Variants in GPC5 observed in about 807,000 individuals in gnomAD.
GPC5 encodes glypican 5.
GPC5 carries 47 observed loss-of-function variants against 53.9 expected under a neutral mutation model. The ratio of observed to expected loss-of-function variants is 0.87; its 90% confidence interval spans 0.69 to 1.11. The LOEUF is 1.11. Among genes scored for constraint, GPC5 ranks in the 50% most tolerant of loss-of-function variants. GPC5 has a pLI of 0.00. For synonymous variants in GPC5, 286 were observed against 263.3 expected (o/e 1.09, Z -0.84); for missense variants, 748 against 713.1 (o/e 1.05, Z -0.56).
chr13:92,026,072 G>A (rs950486259), intron 6 of GPC5, among the ~76,000 whole-genome samples: 1 of 152,236 alleles, frequency 6.6e-6, no homozygotes, highest in Non-Finnish European at 1.5e-5. Context: ...TAACAAAAAT[G>A]ATTGCTTTTA....
At chr13:91,608,496 A>G (rs1366580255) in intron 2 of GPC5, among the ~76,000 whole-genome samples, 2 of 152,138 alleles carry the variant, frequency 1.3e-5, no homozygotes, top group African/African-American at 4.8e-5. Context: ...TATTACATAC[A>G]TATTGTTGCA....
At chr13:91,414,123 T>A (rs1212324050) in intron 1 of GPC5, among the ~76,000 whole-genome samples, 3 of 152,154 alleles carry the variant, frequency 2.0e-5, no homozygotes, top group Admixed American at 1.3e-4. Flanking sequence ...CCCACTCAAA[T>A]CTCATTTTGA....
chr13:91,663,080 A>T (rs1007983110), intron 2 of GPC5, among the ~76,000 whole-genome samples: 1 of 152,190 alleles, frequency 6.6e-6, no homozygotes. Context: ...CTTAATCAAG[A>T]TCTTCTAGTA....
chr13:92,585,735 G>A (rs1188146780), intron 7 of GPC5, among the ~76,000 whole-genome samples: 3 of 152,210 alleles, frequency 2.0e-5, no homozygotes, highest in Admixed American at 1.3e-4. Context: ...TGAGAGGGAT[G>A]TGGTGGCAGG....
chr13:91,767,835 AGTT>A (rs2037553427), intron 5 of GPC5, among the ~76,000 whole-genome samples: 1 of 152,198 alleles, frequency 6.6e-6, no homozygotes, highest in Non-Finnish European at 1.5e-5. Context: ...TTGGCACAGA[AGTT>A]GTTATCTCTT....
At chr13:92,287,595 T>C (rs546736307) in intron 7 of GPC5, among the ~76,000 whole-genome samples, 2 of 152,300 alleles carry the variant, frequency 1.3e-5, no homozygotes, top group East Asian at 1.9e-4. Flanking sequence ...AAATATATCA[T>C]CTCAGGGTCC....
At chr13:91,474,409 C>G (rs1882809028) in intron 2 of GPC5, among the ~76,000 whole-genome samples, 1 of 151,982 alleles carries the variant, frequency 6.6e-6, no homozygotes, top group African/African-American at 2.4e-5. Flanking sequence ...TGTAATTTTC[C>G]TACCATTTTT....
At chr13:92,088,423 G>A (rs1343209907) in intron 6 of GPC5, among the ~76,000 whole-genome samples, 1 of 152,138 alleles carries the variant, frequency 6.6e-6, no homozygotes, top group Non-Finnish European at 1.5e-5. Flanking sequence ...CTGGACCACA[G>A]CTTTGGCCCA....
At chr13:92,801,106 ATATG>A (rs1487335764) in intron 7 of GPC5, among the ~76,000 whole-genome samples, 1 of 151,742 alleles carries the variant, frequency 6.6e-6, no homozygotes, top group Non-Finnish European at 1.5e-5. Flanking sequence ...ATATAACAAA[ATATG>A]TGTGTGTATG....
intron 6 of GPC5, among the ~76,000 whole-genome samples, chr13:92,063,259 T>G (rs1212239822): frequency 6.6e-6 from 1 of 152,170 alleles, no homozygotes; most frequent in African/African-American, 2.4e-5. Flanking sequence ...TGAGATTCAC[T>G]GCATTTCCAA....
At chr13:91,540,015 A>G (rs2029870867) in intron 2 of GPC5, among the ~76,000 whole-genome samples, 2 of 152,234 alleles carry the variant, frequency 1.3e-5, no homozygotes, top group Non-Finnish European at 2.9e-5. Context: ...GCACTAATAA[A>G]GCAACAAAAA....
intron 2 of GPC5, among the ~76,000 whole-genome samples, chr13:91,690,034 G>A (rs1455350309): frequency 6.6e-6 from 1 of 152,164 alleles, no homozygotes; most frequent in Non-Finnish European, 1.5e-5. Context: ...CCACAAACAT[G>A]TAATATGTTG....
At chr13:91,432,457 T>C (rs1049611710) in intron 1 of GPC5, among the ~76,000 whole-genome samples, 5 of 152,174 alleles carry the variant, frequency 3.3e-5, no homozygotes, top group Non-Finnish European at 7.3e-5. Flanking sequence ...TGTATGAACA[T>C]TAATCAACCA....
At position 91,634,762 on chromosome 13, in the gene GPC5, T is replaced by C. The variant is rs114972550; in HGVS notation, c.326-58425T>C. On this transcript the variant is annotated intron_variant, in intron 2 of 7. Transcript: ENST00000377067. ...CGTGATGGCTATAGGGCTTAACTAA[T>C]GTTGAAAAGTAGCATAGGAGTAGAT... 2.7e-3 allele frequency among the ~76,000 whole-genome samples: 405 copies of C among 152,186 alleles called. 3 individuals are homozygous for C. The highest frequency in any genetic ancestry group is 9.2e-3 in the African/African-American group (382 of 41,554).
intron 7 of GPC5, among the ~76,000 whole-genome samples, chr13:92,520,167 C>G (rs1880979205): frequency 6.6e-6 from 1 of 152,054 alleles, no homozygotes; most frequent in African/African-American, 2.4e-5. Flanking sequence ...AGTCCAGAAC[C>G]AGACAGATTC....
At chr13:91,714,456 G>C (rs553395602) in intron 3 of GPC5, among the ~76,000 whole-genome samples, 5 of 152,110 alleles carry the variant, frequency 3.3e-5, no homozygotes, top group African/African-American at 1.2e-4. Flanking sequence ...TTTTGATGTC[G>C]TATTATGAGA....
At chr13:91,598,979 A>G (rs1287462139) in intron 2 of GPC5, among the ~76,000 whole-genome samples, 2 of 152,106 alleles carry the variant, frequency 1.3e-5, no homozygotes, top group Non-Finnish European at 2.9e-5. Flanking sequence ...AGTTATTTTG[A>G]AAAAGAAGTT....
At chr13:92,096,248 T>A (rs2041421288) in intron 6 of GPC5, among the ~76,000 whole-genome samples, 1 of 152,220 alleles carries the variant, frequency 6.6e-6, no homozygotes, top group South Asian at 2.1e-4. Flanking sequence ...CCACTAACTC[T>A]CCCCCTTAGG....
chr13:92,440,195 A>G (rs1877488610), intron 7 of GPC5, among the ~76,000 whole-genome samples: 1 of 152,172 alleles, frequency 6.6e-6, no homozygotes, highest in African/African-American at 2.4e-5. Context: ...GAATTAACCC[A>G]TTCCCCATGT....
Sources: gnomAD v4.1 joint callset for allele counts (sites outside exome capture counted in the v4.1 genomes callset) on GRCh38, gnomAD v4.1.1 for gene constraint, MANE v1.5 for transcripts, NCBI Gene and HGNC (gene_info 2026-07-23, HGNC 2026-07-21) for gene names.